NOTCH1: variants seen among roughly 807,000 people sequenced by gnomAD.
The protein encoded by NOTCH1 is neurogenic locus notch homolog protein 1.
A neutral mutation model predicts 254.8 loss-of-function variants in NOTCH1; 37 were observed. The ratio of observed to expected loss-of-function variants is 0.15; its 90% CI spans 0.11 to 0.19. NOTCH1 has a LOEUF of 0.19. Among genes scored for constraint, NOTCH1 ranks in the 10% least tolerant of loss-of-function variants. The probability of loss-of-function intolerance (pLI) is 1.00; values close to 1 mark genes in which losing one functional copy is unlikely to be tolerated. For missense variants in NOTCH1, 2,972 were observed against 3,708.6 expected (o/e 0.80, Z 5.16); for synonymous variants, 1,731 against 1,618.1 (o/e 1.07, Z -1.68).
chr9:136,515,469 G>A lies in NOTCH1; in HGVS notation c.1903+14C>T, dbSNP rs370541870. On this transcript the variant is annotated intron_variant, in intron 11 of 33. Transcript: ENST00000651671. ...CCCACTGGCCCCCCGCCGGCCACCCGCCTGGCCGGCCACCTGTGGTCCCCT... is the reference window on the plus strand; with the variant it reads ...CCCACTGGCCCCCCGCCGGCCACCCACCTGGCCGGCCACCTGTGGTCCCCT... The A allele has an allele frequency of 9.4e-5, 151 of 1,611,268 alleles. No individual in the cohort carries two copies. The highest frequency in any genetic ancestry group is 5.7e-4 in the Admixed American group (34 of 59,928).
At chr9:136,542,950 G>C (rs1843753289) in intron 2 of NOTCH1, 2 of 152,832 alleles carry the variant, frequency 1.3e-5, no homozygotes, top group South Asian at 4.0e-4. Context: ...AGGCAGGCAG[G>C]AGGGAGCGGT....
At position 136,515,616 on chromosome 9, in the gene NOTCH1, G is replaced by A. The variant is rs949220276; in HGVS notation, c.1770C>T (p.Leu590=). Residue 590 remains leucine, a synonymous_variant, in exon 11 of 34, where the codon CTC becomes CTT. Coordinates refer to ENST00000651671, the MANE Select transcript of NOTCH1 (RefSeq NM_017617.5). ...GGTGGCCCGTGTAGCCTGGGCGGCA[G>A]AGGCAGGTGAAGGTGGCGACGCCGT... ...CKDGVATFTC[L]CRPGYTGHHC... The A allele has an allele frequency of 1.2e-6, 2 of 1,607,906 alleles. No homozygotes were observed. Among genetic ancestry groups the A allele is most frequent in the Non-Finnish European group, 8.5e-7 (1 of 1,178,934 alleles).
Position 136,499,136 on chromosome 9 carries a change from C to T in NOTCH1, c.6058G>A (p.Asp2020Asn), listed in dbSNP as rs752928106. ...MLEDLINSHA[D>N]VNAVDDLGKS... ...CCCAGGTCATCTACGGCGTTGACGT[C>T]GGCGTGTGAGTTGATGAGGTCCTCC... is the stretch of plus-strand genomic sequence containing the variant. Residue 2020 changes from aspartate to asparagine, a missense_variant, in exon 32 of 34, where the codon GAC becomes AAC. Physicochemically the swap from Asp to Asn is conservative, Grantham distance 23. Coordinates refer to ENST00000651671, the MANE Select transcript of NOTCH1 (RefSeq NM_017617.5). 5.0e-6 allele frequency: 8 copies of T among 1,613,122 alleles called. No homozygotes were observed. The highest frequency in any genetic ancestry group is 5.9e-6 in the Non-Finnish European group (7 of 1,180,012).
rs781782610 is a variant in NOTCH1, at chr9:136,517,915, C to G, written c.1278G>C (p.Ala426=). 3 of 1,611,536 alleles carry G rather than the reference C, an allele frequency of 1.9e-6. No individual in the cohort carries two copies. In the African/African-American group the frequency reaches 4.0e-5, roughly 21 times the overall value. ...CSLGANPCEH[A]GKCINTLGSF... is the part of the protein sequence containing the mutation. Reference sequence around the variant, plus strand: ...AGCCCAGCGTGTTGATGCACTTGCCCGCATGCTCGCAGGGGTTGGCACCTG... The same window carrying G: ...AGCCCAGCGTGTTGATGCACTTGCCGGCATGCTCGCAGGGGTTGGCACCTG... The change falls in exon 8 of 34, where the codon GCG becomes GCC. Residue 426 remains alanine, a synonymous_variant. Coordinates refer to ENST00000651671, the MANE Select transcript of NOTCH1 (RefSeq NM_017617.5).
At chr9:136,528,400 G>T (rs1843504118) in intron 2 of NOTCH1, among the ~76,000 whole-genome samples, 1 of 14,398 alleles carries the variant, frequency 6.9e-5, no homozygotes, top group Non-Finnish European at 1.1e-4. Context: ...AGTGGGGGGG[G>T]ATGGGCAGGG....
Position 136,496,332 on chromosome 9 carries a change from T to C in NOTCH1, c.7407A>G (p.Pro2469=). ...QESPALPTSL[P]SSLVPPVTAA... Reference sequence around the variant, plus strand: ...CGGTCACGGGTGGGACCAGCGAGGATGGCAGCGACGTGGGCAGGGCGGGGC... The same window carrying C: ...CGGTCACGGGTGGGACCAGCGAGGACGGCAGCGACGTGGGCAGGGCGGGGC... The change falls in exon 34 of 34, where the codon CCA becomes CCG. Residue 2469 remains proline, a synonymous_variant. Transcript: ENST00000651671. 1 of 1,594,118 alleles carries C rather than the reference T, an allele frequency of 6.3e-7. No individual in the cohort carries two copies. The highest frequency in any genetic ancestry group is 1.1e-5 in the South Asian group (1 of 89,474).
rs1326497239 is a variant in NOTCH1 at position 136,497,320 on chromosome 9, C to T, written c.6419G>A (p.Cys2140Tyr). The change falls in exon 34 of 34, where the codon TGC (cysteine) becomes TAC (tyrosine). Residue 2140 changes from cysteine to tyrosine, a missense_variant. Cys to Tyr is a radical substitution (Grantham distance 194, BLOSUM62 -2). This residue lies in a region of NOTCH1 where 529 missense variants were observed against 529.2 expected (regional missense o/e 1.00). Coordinates refer to ENST00000651671, the MANE Select transcript of NOTCH1 (RefSeq NM_017617.5). Reference sequence around the variant, plus strand: ...GCTGCCCAGGTAGCCGTTGGGCGAGCAGAGCGGGGGCGACAGGGTGGGCGT... The same window carrying T: ...GCTGCCCAGGTAGCCGTTGGGCGAGTAGAGCGGGGGCGACAGGGTGGGCGT... ...GGTPTLSPPL[C>Y]SPNGYLGSLK... is the part of the protein sequence containing the mutation. 1.2e-6 allele frequency: 2 copies of T among 1,606,920 alleles called. No individual in the cohort carries two copies. The highest frequency in any genetic ancestry group is 2.2e-5 in the East Asian group (1 of 44,878).
At position 136,496,359 on chromosome 9, in the gene NOTCH1, C is replaced by T. The variant is rs766268063; in HGVS notation, c.7380G>A (p.Glu2460=). ...SLAVHTILPQ[E]SPALPTSLPS... Reference sequence around the variant, plus strand: ...GCAGCGACGTGGGCAGGGCGGGGCTCTCCTGGGGCAGAATAGTGTGCACCG... The same window carrying T: ...GCAGCGACGTGGGCAGGGCGGGGCTTTCCTGGGGCAGAATAGTGTGCACCG... The change falls in exon 34 of 34, where the codon GAG becomes GAA. Residue 2460 remains glutamate, a synonymous_variant. Coordinates refer to ENST00000651671, the MANE Select transcript of NOTCH1 (RefSeq NM_017617.5). 6.3e-7 allele frequency: 1 copy of T among 1,593,720 alleles called. No individual in the cohort carries two copies. The highest frequency in any genetic ancestry group is 2.2e-5 in the East Asian group (1 of 44,458).
chr9:136,532,926 C>A (rs1038371436), intron 2 of NOTCH1, among the ~76,000 whole-genome samples: 1 of 152,224 alleles, frequency 6.6e-6, no homozygotes, highest in African/African-American at 2.4e-5. Context: ...CCTGCAGCCA[C>A]CCACCTGCCT....
rs756087913 is a variant in NOTCH1 at position 136,508,237 on chromosome 9, C to T, written c.3320G>A (p.Arg1107Gln). ...PSVSCEVAAQ[R>Q]QGVDVARLCQ... is the part of the protein sequence containing the mutation. ...GGGTGGGCACAGCAGGTTACCTTGTCGCTGCGCAGCCACCTCACAGGACAC... is the reference window on the plus strand; with the variant it reads ...GGGTGGGCACAGCAGGTTACCTTGTTGCTGCGCAGCCACCTCACAGGACAC... The change falls in exon 20 of 34, where the codon CGA becomes CAA. Residue 1107 changes from arginine to glutamine, a missense_variant. Arg to Gln is a conservative substitution (Grantham distance 43, BLOSUM62 1). Around this residue, in one of 8 missense-constraint regions of NOTCH1, gnomAD observed 1,343 missense variants for 1,557.0 expected, o/e 0.86. Transcript: ENST00000651671. The T allele has an allele frequency of 2.2e-5, 36 of 1,611,308 alleles. No homozygotes were observed. Among genetic ancestry groups the T allele is most frequent in the African/African-American group, 4.0e-5 (3 of 74,876 alleles).
rs1409818458 is a variant in NOTCH1, at chr9:136,505,366, G to A, written c.4530C>T (p.Asn1510=). 1.9e-6 allele frequency: 3 copies of A among 1,609,682 alleles called. No individual in the cohort carries two copies. The highest frequency in any genetic ancestry group is 2.2e-5 in the East Asian group (1 of 44,786). The change falls in exon 25 of 34, where the codon AAC becomes AAT. Residue 1510 remains asparagine, a synonymous_variant. Transcript: ENST00000651671. ...AGCCGTCGAAGAGGCAGCCGGCTGAGTTGCACTGGCTGTCACAGTGGCCGT... is the reference window on the plus strand; with the variant it reads ...AGCCGTCGAAGAGGCAGCCGGCTGAATTGCACTGGCTGTCACAGTGGCCGT... The part of the protein sequence containing the change: ...FSDGHCDSQC[N]SAGCLFDGFD...
chr9:136,513,437 C>T lies in NOTCH1; in HGVS notation c.2308G>A (p.Asp770Asn), dbSNP rs2133358672. The change falls in exon 14 of 34, where the codon GAC becomes AAC. Residue 770 changes from aspartate to asparagine, a missense_variant. Around this residue, in one of 8 missense-constraint regions of NOTCH1, gnomAD observed 1,343 missense variants for 1,557.0 expected, o/e 0.86. Transcript: ENST00000651671. The surrounding 1 kb of genome is among the most constrained non-coding windows in gnomAD (Gnocchi z 4.7). ...GTGCACACGTAGCCACTGGTCATGT[C>T]TTTGCAGGTGCCGCCGTTGACACAA... ...NPCVNGGTCKDMTSGYVCTCR... is the reference protein window; with the variant it reads ...NPCVNGGTCKNMTSGYVCTCR... The T allele has an allele frequency of 6.2e-7, 1 of 1,613,082 alleles. No individual in the cohort carries two copies. The highest frequency in any genetic ancestry group is 8.5e-7 in the Non-Finnish European group (1 of 1,180,012).
In NOTCH1 at chr9:136,500,863, C is replaced by T. The variant is rs773383571; in HGVS notation, c.5639-16G>A. 38 of 1,576,108 alleles carry T rather than the reference C, an allele frequency of 2.4e-5. No individual in the cohort carries two copies. The highest frequency in any genetic ancestry group is 5.4e-5 in the African/African-American group (4 of 74,576). The stretch of plus-strand genomic sequence containing the variant: ...GTGAAGCCATCTGCAGAGGCAGAGA[C>T]GGGTGCTCAGTCTGGAGGGCCGGTC... On this transcript the variant is annotated splice_polypyrimidine_tract_variant and intron_variant, in intron 30 of 33. Coordinates refer to ENST00000651671, the MANE Select transcript of NOTCH1 (RefSeq NM_017617.5).
chr9:136,531,758 C>A (rs1238512835), intron 2 of NOTCH1, among the ~76,000 whole-genome samples: 1 of 152,240 alleles, frequency 6.6e-6, no homozygotes, highest in Non-Finnish European at 1.5e-5. Context: ...ACGCCGCCCT[C>A]CTGCGCCTCC....
At chr9:136,533,640 C>A (rs1843597279) in intron 2 of NOTCH1, among the ~76,000 whole-genome samples, 1 of 152,238 alleles carries the variant, frequency 6.6e-6, no homozygotes, top group African/African-American at 2.4e-5. Context: ...AGGGCCTGAG[C>A]TGCTGCCTCC....
chr9:136,537,228 C>G (rs2133397514), intron 2 of NOTCH1, among the ~76,000 whole-genome samples: 1 of 152,340 alleles, frequency 6.6e-6, no homozygotes, highest in South Asian at 2.1e-4. Flanking sequence ...AGCTGGGATG[C>G]TGGGGTCCAC....
intron 2 of NOTCH1, among the ~76,000 whole-genome samples, chr9:136,531,711 C>T (rs548821447): frequency 1.8e-4 from 27 of 152,354 alleles, no homozygotes; most frequent in Admixed American, 5.9e-4. Context: ...CCGAAGCCCA[C>T]GCTGCCGGAG....
At chr9:136,541,278 T>C (rs1164674132) in intron 2 of NOTCH1, among the ~76,000 whole-genome samples, 1 of 152,060 alleles carries the variant, frequency 6.6e-6, no homozygotes, top group Non-Finnish European at 1.5e-5. Flanking sequence ...CTTTTTCCAA[T>C]CCCGGGCCCT....
chr9:136,541,734 C>T (rs1016111002), intron 2 of NOTCH1, among the ~76,000 whole-genome samples: 3 of 152,240 alleles, frequency 2.0e-5, no homozygotes, highest in Admixed American at 6.5e-5. Flanking sequence ...GCAATGTCCC[C>T]CAGACTGCTG....
Sources: gnomAD v4.1 joint callset for allele counts (sites outside exome capture counted in the v4.1 genomes callset) on GRCh38, gnomAD v4.1.1 for gene constraint, gnomAD v4.1.1 regional missense constraint, Gnocchi (gnomAD v3.1) non-coding constraint, MANE v1.5 for transcripts, NCBI Gene and HGNC (gene_info 2026-07-23, HGNC 2026-07-21) for gene names.